Variants in PRKCE observed in about 807,000 individuals in gnomAD.
PRKCE encodes protein kinase C epsilon type.
PRKCE carries 16 observed loss-of-function variants against 85.4 expected under a neutral mutation model. The observed-to-expected ratio is 0.19, with a 90% CI of 0.13 to 0.28. The LOEUF (loss-of-function observed/expected upper bound fraction) is 0.28, where lower values mean the gene tolerates loss of function less well. PRKCE is among the 10% of genes least tolerant of loss of function. PRKCE has a pLI of 1.00. For synonymous variants in PRKCE, 388 were observed against 371.5 expected (o/e 1.04, Z -0.51); for missense variants, 573 against 975.2 (o/e 0.59, Z 5.49).
intron 1 of PRKCE, among the ~76,000 whole-genome samples, chr2:45,672,246 GCATCCATCCATCCATC>G (rs57355156): frequency 8.6e-5 from 13 of 150,526 alleles, no homozygotes; most frequent in African/African-American, 2.7e-4. Flanking sequence ...ATCTGTCTAT[GCATCCATCCATCCATC>G]CATCCATCCA....
In PRKCE at chr2:46,159,912, G is replaced by C; in HGVS notation, c.2067+160G>C. On this transcript the variant is annotated intron_variant, in intron 14 of 14. Coordinates refer to ENST00000306156, the MANE Select transcript of PRKCE (RefSeq NM_005400.3). The surrounding 1 kb of genome is among the most constrained non-coding windows in gnomAD (Gnocchi z 4.1). ...GGCTCTCCCTAAGACAATGTCTTTA[G>C]GCCCCAAGTGTTTACTATTGAAAAC... 1.2e-6 allele frequency: 1 copy of C among 815,112 alleles called. No homozygotes were observed. The highest frequency in any genetic ancestry group is 1.8e-6 in the Non-Finnish European group (1 of 551,630). The allele number at this position is 815,112 out of a possible 1,614,324, so 50.5% of individuals were successfully genotyped here.
chr2:45,816,052 T>G (rs1160100177), intron 1 of PRKCE, among the ~76,000 whole-genome samples: 1 of 152,230 alleles, frequency 6.6e-6, no homozygotes, highest in Non-Finnish European at 1.5e-5. Context: ...TTTAACCATT[T>G]TCTCTTGGCC....
intron 2 of PRKCE, among the ~76,000 whole-genome samples, chr2:45,891,716 C>T (rs547405830): frequency 1.4e-4 from 21 of 152,334 alleles, no homozygotes; most frequent in South Asian, 4.1e-4. Context: ...TCCAAATGTC[C>T]GCTAGGCATA....
At chr2:46,060,521 G>A (rs1373397731) in intron 10 of PRKCE, among the ~76,000 whole-genome samples, 1 of 152,204 alleles carries the variant, frequency 6.6e-6, no homozygotes, top group Admixed American at 6.5e-5. Flanking sequence ...AGAGGGGAAA[G>A]ACCAGAGAAG....
rs1680253176 is a variant in PRKCE at position 46,184,057 on chromosome 2, C to G, written c.2068-678C>G. ...GAGTCAGTGGTGAGTTTACTTATTT[C>G]ATTCAGTAGACACTTATTGCTGGGG... On this transcript the variant is annotated intron_variant, in intron 14 of 14. Coordinates refer to ENST00000306156, the MANE Select transcript of PRKCE (RefSeq NM_005400.3). The surrounding 1 kb of genome is among the most constrained non-coding windows in gnomAD (Gnocchi z 5.0). Among the ~76,000 whole-genome samples the G allele has an allele frequency of 6.6e-6, 1 of 152,126 alleles. No homozygotes were observed. Among genetic ancestry groups the G allele is most frequent in the African/African-American group, 2.4e-5 (1 of 41,410 alleles).
At position 46,159,595 on chromosome 2, in the gene PRKCE, C is replaced by T. The variant is rs369207960; in HGVS notation, c.1921-11C>T. 58 of 1,587,792 alleles carry T rather than the reference C, an allele frequency of 3.7e-5. No homozygotes were observed. The highest frequency in any genetic ancestry group is 4.7e-5 in the Non-Finnish European group (55 of 1,173,990). The stretch of plus-strand genomic sequence containing the variant: ...TTGTCACTAATTCCGACTCTGTCCT[C>T]ATCCCTGCAGTTCATGACGAAGAAT... On this transcript the variant is annotated splice_polypyrimidine_tract_variant and intron_variant, in intron 13 of 14. Coordinates refer to ENST00000306156, the MANE Select transcript of PRKCE (RefSeq NM_005400.3). This position sits in a 1 kb window ranked among gnomAD's most constrained non-coding sequence, Gnocchi z 4.1.
At chr2:45,712,682 G>T (rs920739235) in intron 1 of PRKCE, among the ~76,000 whole-genome samples, 1 of 152,082 alleles carries the variant, frequency 6.6e-6, no homozygotes, top group Non-Finnish European at 1.5e-5. Context: ...GCCTGGAAGG[G>T]CCTTTTGCCT....
intron 1 of PRKCE, among the ~76,000 whole-genome samples, chr2:45,758,940 T>C (rs1476970287): frequency 6.6e-6 from 1 of 152,194 alleles, no homozygotes; most frequent in Non-Finnish European, 1.5e-5. Context: ...CGGCGTGTTG[T>C]CTTGAACAAG....
chr2:45,928,528 C>T (rs1200523618), intron 2 of PRKCE, among the ~76,000 whole-genome samples: 4 of 152,224 alleles, frequency 2.6e-5, no homozygotes, highest in Non-Finnish European at 5.9e-5. Flanking sequence ...CCTCGGCTTC[C>T]CAAAGTGCTA....
At chr2:45,771,403 C>T (rs765502167) in intron 1 of PRKCE, among the ~76,000 whole-genome samples, 52 of 152,140 alleles carry the variant, frequency 3.4e-4, no homozygotes, top group Non-Finnish European at 6.3e-4. Flanking sequence ...GGTTCCTTCT[C>T]CCTGGCGCGG....
intron 14 of PRKCE, among the ~76,000 whole-genome samples, chr2:46,165,054 G>T (rs1479165476): frequency 6.6e-6 from 1 of 152,224 alleles, no homozygotes; most frequent in East Asian, 1.9e-4. Flanking sequence ...TGAGATTTCT[G>T]CTCCCCCGGC....
chr2:46,120,297 A>G (rs1673181868), intron 11 of PRKCE, among the ~76,000 whole-genome samples: 1 of 152,168 alleles, frequency 6.6e-6, no homozygotes, highest in African/African-American at 2.4e-5. Context: ...GGCAATGTCT[A>G]GAGACATTTT....
At chr2:46,006,647 G>C (rs1705222935) in intron 8 of PRKCE, among the ~76,000 whole-genome samples, 2 of 152,190 alleles carry the variant, frequency 1.3e-5, no homozygotes. Flanking sequence ...CCACACAGAA[G>C]AGTGCGTGTC....
chr2:46,150,015 C>T (rs1436130030), intron 12 of PRKCE, among the ~76,000 whole-genome samples: 3 of 151,940 alleles, frequency 2.0e-5, no homozygotes, highest in African/African-American at 7.3e-5. Flanking sequence ...TACCACCATG[C>T]CCAGCTAATT....
chr2:45,654,488 G>A (rs1310582500), intron 1 of PRKCE, among the ~76,000 whole-genome samples: 1 of 152,232 alleles, frequency 6.6e-6, no homozygotes, highest in South Asian at 2.1e-4. Context: ...AGCAAAGGTG[G>A]GTTGGAAGTA....
chr2:46,174,556 G>A (rs1034639781), intron 14 of PRKCE, among the ~76,000 whole-genome samples: 4 of 152,210 alleles, frequency 2.6e-5, no homozygotes, highest in Admixed American at 6.5e-5. Context: ...ATCAGCTGGT[G>A]AGGCATGCAG....
chr2:45,677,899 A>C (rs919118826), intron 1 of PRKCE: 40 of 985,318 alleles, frequency 4.1e-5, no homozygotes, highest in Non-Finnish European at 4.6e-5. Context: ...GGAAGTTCTG[A>C]AGGGGTAGTG....
intron 2 of PRKCE, among the ~76,000 whole-genome samples, chr2:45,953,466 C>G (rs1019265843): frequency 6.6e-6 from 1 of 152,196 alleles, no homozygotes; most frequent in East Asian, 1.9e-4. Context: ...GAACAGCCAG[C>G]TACCGCTCCC....
At chr2:46,165,237 T>A (rs1018704658) in intron 14 of PRKCE, among the ~76,000 whole-genome samples, 1 of 152,230 alleles carries the variant, frequency 6.6e-6, no homozygotes, top group African/African-American at 2.4e-5. Flanking sequence ...TCAGCTCTCT[T>A]ACGTACTCTC....
Sources: allele counts gnomAD v4.1 joint callset (sites outside exome capture counted in the v4.1 genomes callset), GRCh38; gene constraint gnomAD v4.1.1; non-coding constraint Gnocchi (gnomAD v3.1); transcripts MANE v1.5; gene names NCBI Gene and HGNC (gene_info 2026-07-23, HGNC 2026-07-21).